WDR70: variants seen among roughly 807,000 people sequenced by gnomAD.
WDR70 encodes WD repeat-containing protein 70.
A neutral mutation model predicts 88.6 loss-of-function variants in WDR70; 53 were observed. The observed-to-expected ratio is 0.60, with a 90% CI of 0.48 to 0.75. The LOEUF (loss-of-function observed/expected upper bound fraction) is 0.75, where lower values mean the gene tolerates loss of function less well. WDR70 is among the 30% of genes least tolerant of loss of function. The pLI is 0.00. For synonymous variants in WDR70, 280 were observed against 270.0 expected, an observed-to-expected ratio of 1.04 and a Z score of -0.36; for missense variants, 610 against 823.2, an observed-to-expected ratio of 0.74 and a Z score of 3.17.
intron 8 of WDR70, among the ~76,000 whole-genome samples, chr5:37,510,513 G>T (rs1172023518): frequency 2.6e-5 from 4 of 152,142 alleles, no homozygotes; most frequent in Non-Finnish European, 4.4e-5. Flanking sequence ...GCCCAGGCTG[G>T]ATTAGAATCC....
intron 8 of WDR70, 38 bp from the exon 9 acceptor site, chr5:37,516,476 T>A (rs1740886799): frequency 2.9e-6 from 4 of 1,375,692 alleles, no homozygotes; most frequent in Non-Finnish European, 4.1e-6. Flanking sequence ...TTTACCTTTT[T>A]AAAACATCTT....
chr5:37,505,573 T>C, intron 8 of WDR70: 1 of 668,920 alleles, frequency 1.5e-6, no homozygotes. Flanking sequence ...CTCTCAATGT[T>C]TTTTAAAAAT....
At chr5:37,696,455 T>C (rs542312816) in intron 10 of WDR70, among the ~76,000 whole-genome samples, 21 of 152,336 alleles carry the variant, frequency 1.4e-4, no homozygotes, top group African/African-American at 4.6e-4. Flanking sequence ...AGCTCTGTTT[T>C]GTGACTCATT....
chr5:37,412,378 AC>A (rs1353623917), intron 5 of WDR70, among the ~76,000 whole-genome samples: 1 of 151,866 alleles, frequency 6.6e-6, no homozygotes, highest in Non-Finnish European at 1.5e-5. Context: ...CAAGAGTGAG[AC>A]TCCATCTCAA....
At chr5:37,563,178 GA>G (rs1196883843) in intron 9 of WDR70, among the ~76,000 whole-genome samples, 2 of 66,118 alleles carry the variant, frequency 3.0e-5, no homozygotes, top group Non-Finnish European at 3.9e-5. Context: ...GCGGGGGGCT[GA>G]CCCCCCCACC....
At chr5:37,586,635 C>G (rs1274865436) in intron 9 of WDR70, among the ~76,000 whole-genome samples, 1 of 150,998 alleles carries the variant, frequency 6.6e-6, no homozygotes, top group Non-Finnish European at 1.5e-5. Context: ...TGTTCAACTC[C>G]CGCTTATGAG....
At chr5:37,667,244 G>A (rs1359033764) in intron 10 of WDR70, among the ~76,000 whole-genome samples, 3 of 152,206 alleles carry the variant, frequency 2.0e-5, no homozygotes, top group Non-Finnish European at 4.4e-5. Flanking sequence ...GGGGATACAA[G>A]GAGGTGTCAT....
chr5:37,609,399 T>C (rs1011991657), intron 10 of WDR70, among the ~76,000 whole-genome samples: 4 of 152,256 alleles, frequency 2.6e-5, no homozygotes, highest in Non-Finnish European at 4.4e-5. Flanking sequence ...CACAAAGCAC[T>C]GTTGCTGTTC....
At chr5:37,685,795 G>A (rs1246997425) in intron 10 of WDR70, among the ~76,000 whole-genome samples, 5 of 152,122 alleles carry the variant, frequency 3.3e-5, no homozygotes, top group Non-Finnish European at 7.4e-5. Flanking sequence ...CTAAAGGCCC[G>A]TGGCGAGAGT....
At chr5:37,539,454 A>G (rs1045286728) in intron 9 of WDR70, among the ~76,000 whole-genome samples, 2 of 152,214 alleles carry the variant, frequency 1.3e-5, no homozygotes, top group African/African-American at 4.8e-5. Context: ...GAAAGTGCCC[A>G]TCTATCAGCA....
chr5:37,537,255 G>A (rs1440395154), intron 9 of WDR70, among the ~76,000 whole-genome samples: 3 of 152,152 alleles, frequency 2.0e-5, no homozygotes, highest in Non-Finnish European at 4.4e-5. Context: ...ATAAGAAAGT[G>A]TACTCATATT....
At chr5:37,483,768 G>C (rs1393709083) in intron 8 of WDR70, among the ~76,000 whole-genome samples, 2 of 148,748 alleles carry the variant, frequency 1.3e-5, no homozygotes, top group African/African-American at 5.0e-5. Flanking sequence ...CTGGCCGGGC[G>C]GGGGCTGACC....
At chr5:37,447,322 A>C (rs1738526018) in intron 7 of WDR70, among the ~76,000 whole-genome samples, 1 of 152,160 alleles carries the variant, frequency 6.6e-6, no homozygotes. Flanking sequence ...AAATAGGAAC[A>C]CTTGTACACT....
chr5:37,524,658 A>G (rs559516), intron 9 of WDR70, among the ~76,000 whole-genome samples: 39,698 of 152,066 alleles, frequency 0.26, 5,784 homozygotes, highest in East Asian at 0.48. Context: ...AAATGGGCTA[A>G]ATGCTCCAAT....
chr5:37,705,132 G>C (rs1366660814), intron 13 of WDR70, among the ~76,000 whole-genome samples: 2 of 152,112 alleles, frequency 1.3e-5, no homozygotes, highest in East Asian at 3.8e-4. Flanking sequence ...ATACCTATAG[G>C]ACTTCTGTGT....
chr5:37,472,888 A>G (rs1739368988), intron 7 of WDR70, among the ~76,000 whole-genome samples: 2 of 152,062 alleles, frequency 1.3e-5, no homozygotes, highest in Non-Finnish European at 2.9e-5. Context: ...TTTGTGTGCT[A>G]TGAACATACC....
chr5:37,634,959 A>T (rs776769398), intron 10 of WDR70, among the ~76,000 whole-genome samples: 2 of 151,988 alleles, frequency 1.3e-5, no homozygotes, highest in Non-Finnish European at 2.9e-5. Context: ...GGGGGCTTGT[A>T]TCCATGCCTA....
At chr5:37,685,428 C>T (rs901294124) in intron 10 of WDR70, among the ~76,000 whole-genome samples, 11 of 152,000 alleles carry the variant, frequency 7.2e-5, no homozygotes, top group African/African-American at 2.4e-4. Flanking sequence ...CATGGTCTGC[C>T]AGTGTAGGAG....
intron 8 of WDR70, among the ~76,000 whole-genome samples, chr5:37,493,167 A>G (rs1308960667): frequency 6.6e-6 from 1 of 152,172 alleles, no homozygotes; most frequent in Non-Finnish European, 1.5e-5. Context: ...GTAACAAATT[A>G]CCAAAAACCA....
Sources: allele counts gnomAD v4.1 joint callset (sites outside exome capture counted in the v4.1 genomes callset), GRCh38; gene constraint gnomAD v4.1.1; transcripts MANE v1.5; gene names NCBI Gene and HGNC (gene_info 2026-07-23, HGNC 2026-07-21).